Variants in ABHD17C observed in about 807,000 individuals in gnomAD.
ABHD17C encodes the protein alpha/beta hydrolase domain-containing protein 17C.
In ABHD17C, 11 loss-of-function variants were observed where a neutral mutation model predicts 27.9. The observed-to-expected ratio is 0.39, with a 90% CI of 0.25 to 0.65. The LOEUF is 0.65. ABHD17C is among the 30% of genes least tolerant of loss of function. The pLI is 0.45. For missense variants in ABHD17C, 280 were observed against 470.2 expected (o/e 0.60, Z 3.74); for synonymous variants, 233 against 209.1 (o/e 1.11, Z -0.98).
At chr15:80,714,399 T>C (rs1303102330) in intron 1 of ABHD17C, among the ~76,000 whole-genome samples, 1 of 152,242 alleles carries the variant, frequency 6.6e-6, no homozygotes, top group Non-Finnish European at 1.5e-5. Flanking sequence ...CAAACTGTTG[T>C]TGTCTCCATT....
intron 1 of ABHD17C, among the ~76,000 whole-genome samples, chr15:80,719,534 A>G (rs1894860390): frequency 6.6e-6 from 1 of 152,154 alleles, no homozygotes; most frequent in South Asian, 2.1e-4. Flanking sequence ...CTTTCCATTG[A>G]TTTCTATCAT....
chr15:80,701,449 C>T (rs1212136544), intron 1 of ABHD17C, among the ~76,000 whole-genome samples: 1 of 151,892 alleles, frequency 6.6e-6, no homozygotes, highest in East Asian at 1.9e-4. Context: ...GAGGCTGAGA[C>T]GGGCGGATCA....
intron 1 of ABHD17C, among the ~76,000 whole-genome samples, chr15:80,731,136 C>T (rs1390634150): frequency 6.6e-6 from 1 of 152,176 alleles, no homozygotes; most frequent in Non-Finnish European, 1.5e-5. Flanking sequence ...GCACGCAGAA[C>T]CCCAAATCCC....
intron 1 of ABHD17C, among the ~76,000 whole-genome samples, chr15:80,724,927 C>T (rs966851103): frequency 6.6e-6 from 1 of 152,182 alleles, no homozygotes; most frequent in Non-Finnish European, 1.5e-5. Flanking sequence ...ATTTTTATTA[C>T]AAATCCTATC....
intron 1 of ABHD17C, among the ~76,000 whole-genome samples, chr15:80,712,892 A>G (rs926882333): frequency 6.6e-6 from 1 of 152,176 alleles, no homozygotes; most frequent in Non-Finnish European, 1.5e-5. Flanking sequence ...TTACTTTGCC[A>G]TGTTGTTTAT....
At position 80,755,095 on chromosome 15, in the gene ABHD17C, T is replaced by C. The variant is rs529391606; in HGVS notation, c.*725T>C. The C allele has an allele frequency of 3.3e-5, 5 of 152,350 alleles. No homozygotes were observed. The highest frequency in any genetic ancestry group is 2.1e-4 in the South Asian group (1 of 4,832). 9.4% of individuals were successfully genotyped at this position (152,350 alleles called of 1,614,324 possible). A position where few individuals can be genotyped will look rare whatever the true frequency, so the allele number is the denominator to read the frequency against. ...CTGTAAAGTCCTCCTTGTAGGCTTT[T>C]TTAAAGTACTGTACATATTTGCAAT... On this transcript the variant is annotated 3_prime_UTR_variant, in exon 3 of 3. Coordinates refer to ENST00000258884, the MANE Select transcript of ABHD17C (RefSeq NM_021214.2).
At chr15:80,752,078 A>T (rs1895372838) in intron 2 of ABHD17C, among the ~76,000 whole-genome samples, 1 of 152,172 alleles carries the variant, frequency 6.6e-6, no homozygotes, top group Non-Finnish European at 1.5e-5. Flanking sequence ...TTGGGATCGG[A>T]TGATGGAAGT....
intron 1 of ABHD17C, among the ~76,000 whole-genome samples, chr15:80,736,495 A>C (rs1005008286): frequency 6.6e-6 from 1 of 152,184 alleles, no homozygotes; most frequent in African/African-American, 2.4e-5. Context: ...TTGCATAGTC[A>C]GTCTTTTTAT....
intron 1 of ABHD17C, among the ~76,000 whole-genome samples, chr15:80,698,989 A>C (rs187486089): frequency 6.6e-6 from 1 of 152,346 alleles, no homozygotes; most frequent in Admixed American, 6.5e-5. Context: ...CAGGCCCCAA[A>C]GCCCCACACT....
chr15:80,697,966 T>C (rs1894516280), intron 1 of ABHD17C, among the ~76,000 whole-genome samples: 1 of 152,092 alleles, frequency 6.6e-6, no homozygotes, highest in South Asian at 2.1e-4. Context: ...CAAGCACACA[T>C]ACACGTCTGT....
intron 1 of ABHD17C, among the ~76,000 whole-genome samples, chr15:80,711,251 A>G (rs1407594455): frequency 6.6e-6 from 1 of 152,056 alleles, no homozygotes; most frequent in East Asian, 1.9e-4. Context: ...TGAGGATCGG[A>G]TGCTCGCATG....
At chr15:80,716,407 G>A (rs919545166) in intron 1 of ABHD17C, among the ~76,000 whole-genome samples, 1 of 152,178 alleles carries the variant, frequency 6.6e-6, no homozygotes, top group Non-Finnish European at 1.5e-5. Context: ...TGTTGGAAAC[G>A]TCTCTGCTTC....
chr15:80,754,511 G>A lies in ABHD17C; in HGVS notation c.*141G>A, dbSNP rs1474563297. 8.9e-6 allele frequency: 6 copies of A among 677,448 alleles called. No individual in the cohort carries two copies. Among genetic ancestry groups the A allele is most frequent in the Non-Finnish European group, 1.5e-5 (6 of 408,098 alleles). 42.0% of individuals were successfully genotyped at this position (677,448 alleles called of 1,614,324 possible). On this transcript the variant is annotated 3_prime_UTR_variant, in exon 3 of 3. Transcript: ENST00000258884. ...AGGGTGTTCTAATCAAAGAGCTGAT[G>A]AAATCTCAGTCTTTTGTATCTAGAG...
intron 1 of ABHD17C, among the ~76,000 whole-genome samples, chr15:80,710,686 C>T (rs1894717253): frequency 6.6e-6 from 1 of 152,144 alleles, no homozygotes; most frequent in African/African-American, 2.4e-5. Context: ...GCTTGAGAAA[C>T]AGGAAAACTA....
chr15:80,703,367 C>A (rs535888083), intron 1 of ABHD17C: 7 of 152,226 alleles, frequency 4.6e-5, no homozygotes, highest in Non-Finnish European at 1.0e-4. Flanking sequence ...ATAGCAGCCC[C>A]CTTAAACAAG....
At chr15:80,723,597 A>G (rs1303547888) in intron 1 of ABHD17C, among the ~76,000 whole-genome samples, 1 of 152,238 alleles carries the variant, frequency 6.6e-6, no homozygotes, top group African/African-American at 2.4e-5. Context: ...GCTAGTACAC[A>G]CTAAATGACT....
intron 1 of ABHD17C, among the ~76,000 whole-genome samples, chr15:80,697,345 T>C (rs1237457765): frequency 6.6e-6 from 1 of 152,232 alleles, no homozygotes; most frequent in Non-Finnish European, 1.5e-5. Flanking sequence ...CCTGTTCCAG[T>C]AAAGGGTTTC....
At position 80,695,858 on chromosome 15, in the gene ABHD17C, G is replaced by C; in HGVS notation, c.429G>C (p.Val143=). 6.3e-7 allele frequency: 1 copy of C among 1,595,540 alleles called. No individual in the cohort carries two copies. Residue 143 remains valine (V), a synonymous_variant, in exon 1 of 3, where the codon GTG becomes GTC. Transcript: ENST00000258884. The surrounding 1 kb of genome is among the most constrained non-coding windows in gnomAD (Gnocchi z 4.3). The stretch of plus-strand genomic sequence containing the variant: ...TGCTCTTCTCGCACGGCAACGCCGT[G>C]GACCTGGGCCAGATGTGCAGCTTCT... ...YTLLFSHGNA[V]DLGQMCSFYI...
chr15:80,710,902 G>T (rs1036321344), intron 1 of ABHD17C, among the ~76,000 whole-genome samples: 3 of 152,024 alleles, frequency 2.0e-5, no homozygotes, highest in African/African-American at 7.2e-5. Flanking sequence ...GAGATGGGGA[G>T]GGCTGTGAGT....
Sources: gnomAD v4.1 joint callset for allele counts (sites outside exome capture counted in the v4.1 genomes callset) on GRCh38, gnomAD v4.1.1 for gene constraint, Gnocchi (gnomAD v3.1) non-coding constraint, MANE v1.5 for transcripts, NCBI Gene and HGNC (gene_info 2026-07-23, HGNC 2026-07-21) for gene names.